The following ST6GALNAC3 variants were observed in gnomAD, a reference collection of about 807,000 sequenced individuals.
ST6GALNAC3 encodes the protein alpha-N-acetylgalactosaminide alpha-2,6-sialyltransferase 3.
Under a neutral mutation model 32.7 loss-of-function variants are expected in ST6GALNAC3, and 25 were observed. That is an observed-to-expected ratio of 0.76 (90% confidence interval 0.56 to 1.07). The LOEUF is 1.07. ST6GALNAC3 is among the 50% of genes least tolerant of loss of function. The pLI, the probability that ST6GALNAC3 is intolerant of heterozygous loss-of-function variation, is 0.00. For synonymous variants in ST6GALNAC3, 129 were observed against 133.1 expected, an observed-to-expected ratio of 0.97 and a Z score of 0.21; for missense variants, 355 against 382.4, an observed-to-expected ratio of 0.93 and a Z score of 0.60.
intron 3 of ST6GALNAC3, among the ~76,000 whole-genome samples, chr1:76,604,984 C>T (rs527788153): frequency 2.0e-5 from 3 of 152,212 alleles, no homozygotes; most frequent in African/African-American, 7.2e-5. Flanking sequence ...CAATATTTCC[C>T]ATATGCAGTT....
chr1:76,323,939 G>A (rs1647018896), intron 2 of ST6GALNAC3, among the ~76,000 whole-genome samples: 4 of 151,704 alleles, frequency 2.6e-5, no homozygotes, highest in Admixed American at 2.0e-4. Context: ...GGCTGACTAC[G>A]ACCTCTACCT....
intron 1 of ST6GALNAC3, among the ~76,000 whole-genome samples, chr1:76,189,289 G>A (rs1653758151): frequency 6.6e-6 from 1 of 152,200 alleles, no homozygotes; most frequent in South Asian, 2.1e-4. Context: ...AAAGTGATTT[G>A]TACCCTTTGC....
At chr1:76,359,042 G>A (rs1649718276) in intron 2 of ST6GALNAC3, among the ~76,000 whole-genome samples, 1 of 152,112 alleles carries the variant, frequency 6.6e-6, no homozygotes, top group South Asian at 2.1e-4. Context: ...ATTTATTGCT[G>A]AGTATTTCTG....
At chr1:76,530,355 C>T (rs1663178175) in intron 3 of ST6GALNAC3, among the ~76,000 whole-genome samples, 1 of 152,142 alleles carries the variant, frequency 6.6e-6, no homozygotes, top group Admixed American at 6.6e-5. Context: ...CTCTGACATA[C>T]TAAGTAAGGA....
chr1:76,335,028 A>G (rs1286498718), intron 2 of ST6GALNAC3, among the ~76,000 whole-genome samples: 1 of 152,222 alleles, frequency 6.6e-6, no homozygotes, highest in Non-Finnish European at 1.5e-5. Context: ...TATGAGCTGT[A>G]TATATACTTT....
At chr1:76,491,181 C>T (rs867778888) in intron 3 of ST6GALNAC3, among the ~76,000 whole-genome samples, 2 of 152,004 alleles carry the variant, frequency 1.3e-5, no homozygotes, top group Non-Finnish European at 2.9e-5. Context: ...TTTCTTGCTC[C>T]TCACTGCCCT....
chr1:76,126,466 C>T (rs546672526), intron 1 of ST6GALNAC3, among the ~76,000 whole-genome samples: 2 of 89,890 alleles, frequency 2.2e-5, no homozygotes, highest in African/African-American at 9.9e-5. Flanking sequence ...CTCTCTGTCT[C>T]GCTCTCTTTC....
At chr1:76,573,956 T>A (rs1646756354) in intron 3 of ST6GALNAC3, among the ~76,000 whole-genome samples, 1 of 151,970 alleles carries the variant, frequency 6.6e-6, no homozygotes, top group South Asian at 2.1e-4. Context: ...TCATCCAATC[T>A]TATGGGGAAG....
At chr1:76,386,782 T>C (rs1249640412) in intron 2 of ST6GALNAC3, among the ~76,000 whole-genome samples, 1 of 152,176 alleles carries the variant, frequency 6.6e-6, no homozygotes, top group African/African-American at 2.4e-5. Context: ...ATTCTTCACC[T>C]CTGTGTAGAA....
chr1:76,207,662 T>C (rs1486934), intron 1 of ST6GALNAC3, among the ~76,000 whole-genome samples: 82,312 of 152,036 alleles, frequency 0.54, 24,008 homozygotes, highest in East Asian at 0.88. Context: ...GTCTCTGGTC[T>C]CATGAGTTAA....
intron 2 of ST6GALNAC3, among the ~76,000 whole-genome samples, chr1:76,378,546 C>T (rs1044829607): frequency 6.6e-6 from 1 of 151,954 alleles, no homozygotes; most frequent in East Asian, 2.0e-4. Flanking sequence ...CCTGTAATCC[C>T]AGCTACTCAG....
At chr1:76,636,194 C>G (rs1044500625), downstream of ST6GALNAC3, among the ~76,000 whole-genome samples, 3 of 152,076 alleles carry the variant, frequency 2.0e-5, no homozygotes, top group Non-Finnish European at 2.9e-5. Context: ...TTCTTTTGCC[C>G]AAGGAAGCAA....
intron 2 of ST6GALNAC3, among the ~76,000 whole-genome samples, chr1:76,341,686 T>TTTCC (rs1570895135): frequency 1.2e-4 from 14 of 116,930 alleles, no homozygotes; most frequent in South Asian, 2.6e-4. Flanking sequence ...TCTTTCCTTC[T>TTTCC]TTCTTTCTTT....
chr1:76,519,704 T>C (rs960991209), intron 3 of ST6GALNAC3, among the ~76,000 whole-genome samples: 1 of 152,030 alleles, frequency 6.6e-6, no homozygotes, highest in Non-Finnish European at 1.5e-5. Context: ...TCTGTACTCT[T>C]TTCTAGGAGA....
rs556660894 is a variant in ST6GALNAC3, at chr1:76,348,374, G to A, written c.213+34375G>A. Among the ~76,000 whole-genome samples, 12 of 152,184 alleles carry A rather than the reference G, an allele frequency of 7.9e-5. No individual in the cohort carries two copies. In the South Asian group the frequency reaches 2.5e-3, roughly 32 times the overall value. On this transcript the variant is annotated intron_variant, in intron 2 of 4. Coordinates refer to ENST00000328299, the MANE Select transcript of ST6GALNAC3 (RefSeq NM_152996.4). ...TAACTTGTACATTCTGATTTCCTTT[G>A]CACATGAGAATTGATGTGGAAAAGG...
Position 76,214,299 on chromosome 1 carries a change from T to C in ST6GALNAC3, c.19-99506T>C, listed in dbSNP as rs142287483. Among the ~76,000 whole-genome samples the C allele has an allele frequency of 7.2e-5, 11 of 152,332 alleles. No homozygotes were observed. In the East Asian group the frequency reaches 2.1e-3, roughly 29 times the overall value. On this transcript the variant is annotated intron_variant, in intron 1 of 4. Transcript: ENST00000328299. ...AGATGTAGAACATTTCTGAAAGCTC[T>C]CTCAGTGCTGACCTAGAGCTAGCTT...
intron 2 of ST6GALNAC3, among the ~76,000 whole-genome samples, chr1:76,408,573 G>A (rs988459825): frequency 1.3e-5 from 2 of 152,040 alleles, no homozygotes; most frequent in African/African-American, 2.4e-5. Flanking sequence ...GTGTTGTCAT[G>A]AAACAGATTG....
chr1:76,443,137 G>GT (rs1027796573), intron 3 of ST6GALNAC3, among the ~76,000 whole-genome samples: 42 of 151,924 alleles, frequency 2.8e-4, no homozygotes, highest in African/African-American at 7.0e-4. Flanking sequence ...TTCTTCTTCT[G>GT]TTTTTTTTGT....
At chr1:76,165,638 G>C (rs1652074420) in intron 1 of ST6GALNAC3, among the ~76,000 whole-genome samples, 2 of 152,166 alleles carry the variant, frequency 1.3e-5, no homozygotes, top group African/African-American at 4.8e-5. Flanking sequence ...CCCACCAACA[G>C]TGTATAACCA....
Sources: gnomAD v4.1 joint callset for allele counts (sites outside exome capture counted in the v4.1 genomes callset) on GRCh38, gnomAD v4.1.1 for gene constraint, MANE v1.5 for transcripts, NCBI Gene and HGNC (gene_info 2026-07-23, HGNC 2026-07-21) for gene names.